The following KCNIP4 variants were observed in gnomAD, a reference collection of about 807,000 sequenced individuals.
KCNIP4 encodes the protein potassium voltage-gated channel interacting protein 4.
KCNIP4 carries 12 observed loss-of-function variants against 34.0 expected under a neutral mutation model. The ratio of observed to expected loss-of-function variants is 0.35; its 90% CI spans 0.23 to 0.57. KCNIP4 has a LOEUF of 0.57. Ranked by LOEUF, KCNIP4 falls within the 20% of genes least tolerant of loss-of-function variation. The pLI is 0.83. For synonymous variants in KCNIP4, 124 were observed against 102.2 expected (o/e 1.21, Z -1.29); for missense variants, 238 against 311.7 (o/e 0.76, Z 1.78).
intron 1 of KCNIP4, among the ~76,000 whole-genome samples, chr4:21,753,439 T>G (rs1717289181): frequency 6.6e-6 from 1 of 152,174 alleles, no homozygotes; most frequent in Non-Finnish European, 1.5e-5. Context: ...GCATGAGTTT[T>G]CAGATCTCAT....
chr4:20,910,746 T>C (rs1728248955), intron 1 of KCNIP4, among the ~76,000 whole-genome samples: 1 of 152,130 alleles, frequency 6.6e-6, no homozygotes. Context: ...TTATCTCCAA[T>C]AAAACTTCCC....
intron 1 of KCNIP4, among the ~76,000 whole-genome samples, chr4:21,822,919 AT>A (rs1722449414): frequency 6.6e-6 from 1 of 151,968 alleles, no homozygotes; most frequent in South Asian, 2.1e-4. Context: ...GGGTTTCACC[AT>A]GTTGGCCAGG....
At chr4:20,874,062 A>G (rs1021904846) in intron 2 of KCNIP4, among the ~76,000 whole-genome samples, 1 of 152,000 alleles carries the variant, frequency 6.6e-6, no homozygotes, top group Non-Finnish European at 1.5e-5. Context: ...AATGACAGCA[A>G]AAACAGCCAA....
intron 1 of KCNIP4, among the ~76,000 whole-genome samples, chr4:21,746,716 G>A (rs1373000042): frequency 1.3e-5 from 2 of 151,970 alleles, no homozygotes; most frequent in Non-Finnish European, 2.9e-5. Flanking sequence ...GGCTCACAAT[G>A]GAGAAACTCT....
chr4:21,149,026 G>A (rs1374623825), intron 1 of KCNIP4, among the ~76,000 whole-genome samples: 1 of 152,084 alleles, frequency 6.6e-6, no homozygotes, highest in Non-Finnish European at 1.5e-5. Flanking sequence ...TTTTGCTTAG[G>A]AGGAATTACA....
intron 1 of KCNIP4, among the ~76,000 whole-genome samples, chr4:21,606,274 A>G (rs1193888344): frequency 6.6e-6 from 1 of 152,154 alleles, no homozygotes; most frequent in East Asian, 1.9e-4. Flanking sequence ...TTGAGACTCG[A>G]TATGTATGGC....
chr4:21,659,414 T>C (rs1028146808), intron 1 of KCNIP4, among the ~76,000 whole-genome samples: 13 of 151,624 alleles, frequency 8.6e-5, no homozygotes, highest in African/African-American at 2.7e-4. Context: ...TGATTATGCA[T>C]TTTTTTGAAT....
At chr4:21,672,251 T>C (rs1338006526) in intron 1 of KCNIP4, among the ~76,000 whole-genome samples, 2 of 152,196 alleles carry the variant, frequency 1.3e-5, no homozygotes, top group Admixed American at 1.3e-4. Flanking sequence ...CTGCACATTC[T>C]GCACATGCAC....
At chr4:21,899,709 G>T (rs889085494) in intron 1 of KCNIP4, among the ~76,000 whole-genome samples, 2 of 151,918 alleles carry the variant, frequency 1.3e-5, no homozygotes, top group African/African-American at 4.8e-5. Context: ...ATAAAATAAA[G>T]TACTTAGATG....
intron 1 of KCNIP4, among the ~76,000 whole-genome samples, chr4:21,745,366 C>T (rs575724526): frequency 2.6e-5 from 4 of 152,186 alleles, no homozygotes; most frequent in African/African-American, 9.6e-5. Flanking sequence ...AGGTTCTTTG[C>T]CTTAATAACT....
At chr4:20,858,543 A>T (rs1721860553) in intron 2 of KCNIP4, among the ~76,000 whole-genome samples, 1 of 152,200 alleles carries the variant, frequency 6.6e-6, no homozygotes. Context: ...TAATCTTCAC[A>T]ACATCTTTCA....
chr4:21,441,491 C>T (rs1377617987), intron 1 of KCNIP4, among the ~76,000 whole-genome samples: 2 of 151,992 alleles, frequency 1.3e-5, no homozygotes, highest in African/African-American at 4.8e-5. Context: ...TCACAAGAGT[C>T]CTAATTTGTA....
At position 20,758,825 on chromosome 4, in the gene KCNIP4, C is replaced by T; in HGVS notation, c.354G>A (p.Gln118=). 1 of 1,611,364 alleles carries T rather than the reference C, an allele frequency of 6.2e-7. No homozygotes were observed. The highest frequency in any genetic ancestry group is 8.5e-7 in the Non-Finnish European group (1 of 1,177,726). The part of the protein sequence containing the change: ...FKEIYSQFFP[Q]GDSTTYAHFL... ...CAAGTCCACATTTGTACTTACCTCC[C>T]TGTGGAAAGAACTGCGAGTAAATCT... The change falls in exon 4 of 9, where the codon CAG becomes CAA. Residue 118 remains glutamine, a synonymous_variant. Transcript: ENST00000382152.
intron 1 of KCNIP4, among the ~76,000 whole-genome samples, chr4:21,661,779 A>T (rs1165851590): frequency 6.6e-6 from 1 of 152,106 alleles, no homozygotes; most frequent in Non-Finnish European, 1.5e-5. Flanking sequence ...TTCACTTTTT[A>T]ACTGGCATCT....
intron 1 of KCNIP4, chr4:21,304,655 G>A (rs975203065): frequency 3.9e-5 from 6 of 152,236 alleles, no homozygotes; most frequent in African/African-American, 1.4e-4. Context: ...AACTAGCTGA[G>A]TGCAGATTGC....
intron 1 of KCNIP4, among the ~76,000 whole-genome samples, chr4:20,884,355 G>A (rs956745344): frequency 1.3e-5 from 2 of 152,094 alleles, no homozygotes; most frequent in African/African-American, 2.4e-5. Context: ...GTGTAGAGTG[G>A]GGTGACAAAA....
intron 1 of KCNIP4, among the ~76,000 whole-genome samples, chr4:21,107,926 C>A (rs1158702296): frequency 1.3e-5 from 2 of 151,378 alleles, no homozygotes; most frequent in East Asian, 3.9e-4. Flanking sequence ...TGAATATTGC[C>A]CCCCACTCTC....
chr4:21,947,147 C>T (rs1376271123), intron 1 of KCNIP4, among the ~76,000 whole-genome samples: 1 of 152,202 alleles, frequency 6.6e-6, no homozygotes, highest in Non-Finnish European at 1.5e-5. Flanking sequence ...GCCCTCTACC[C>T]TGTTTATTCT....
At chr4:20,753,598 C>A (rs1364550947) in intron 4 of KCNIP4, among the ~76,000 whole-genome samples, 2 of 152,136 alleles carry the variant, frequency 1.3e-5, no homozygotes, top group East Asian at 3.8e-4. Context: ...ACCCCTACTC[C>A]CATTGAATTC....
Sources: allele counts gnomAD v4.1 joint callset (sites outside exome capture counted in the v4.1 genomes callset), GRCh38; gene constraint gnomAD v4.1.1; transcripts MANE v1.5; gene names NCBI Gene and HGNC (gene_info 2026-07-23, HGNC 2026-07-21).